The following PPP1R9A variants were observed in gnomAD, a reference collection of about 807,000 sequenced individuals.
The protein encoded by PPP1R9A is protein phosphatase 1 regulatory subunit 9A.
PPP1R9A carries 59 observed loss-of-function variants against 141.9 expected under a neutral mutation model. That is an observed-to-expected ratio of 0.42 (90% CI 0.34 to 0.52). PPP1R9A has a LOEUF of 0.52. Among genes scored for constraint, PPP1R9A ranks in the 20% least tolerant of loss-of-function variants. PPP1R9A has a pLI of 0.10. For synonymous variants in PPP1R9A, 500 were observed against 569.7 expected (o/e 0.88, Z 1.74); for missense variants, 1,444 against 1,611.9 (o/e 0.90, Z 1.78).
At chr7:94,998,327 A>G (rs753995724) in intron 2 of PPP1R9A, among the ~76,000 whole-genome samples, 8 of 152,234 alleles carry the variant, frequency 5.3e-5, no homozygotes, top group Admixed American at 2.6e-4. Flanking sequence ...AAAATTTGAA[A>G]ACCTGTGAAC....
intron 6 of PPP1R9A, among the ~76,000 whole-genome samples, chr7:95,201,205 T>C (rs574702492): frequency 6.6e-6 from 1 of 151,134 alleles, no homozygotes; most frequent in East Asian, 1.9e-4. Flanking sequence ...ACTCAAATTT[T>C]TTTTAATTAG....
intron 7 of PPP1R9A, among the ~76,000 whole-genome samples, chr7:95,207,730 A>G (rs921002856): frequency 6.6e-6 from 1 of 152,214 alleles, no homozygotes; most frequent in Non-Finnish European, 1.5e-5. Flanking sequence ...AATCTCAAAA[A>G]GTACCTATAG....
intron 2 of PPP1R9A, among the ~76,000 whole-genome samples, chr7:94,950,530 A>G (rs1281279334): frequency 6.6e-6 from 1 of 151,884 alleles, no homozygotes; most frequent in Non-Finnish European, 1.5e-5. Flanking sequence ...TTTTTCTTTC[A>G]GTTTGATTGG....
chr7:95,288,793 AG>A, intron 19 of PPP1R9A, 75 bp downstream of exon 19: 2 of 1,503,216 alleles, frequency 1.3e-6, no homozygotes, highest in Non-Finnish European at 1.8e-6. Context: ...TGTTTTCATT[AG>A]GTAAGAGCAT....
At chr7:95,289,922 A>G (rs557039568) in intron 19 of PPP1R9A, among the ~76,000 whole-genome samples, 169 bp from the exon 20 acceptor site, 32 of 152,350 alleles carry the variant, frequency 2.1e-4, no homozygotes, top group African/African-American at 7.0e-4. Flanking sequence ...AAGAAAAAAT[A>G]AAGGGTAGCC....
Position 95,017,072 on chromosome 7 carries a change from G to A in PPP1R9A, c.1396-94187G>A, listed in dbSNP as rs531965365. Among the ~76,000 whole-genome samples, 3 of 152,150 alleles carry A rather than the reference G, an allele frequency of 2.0e-5. No homozygotes were observed. The South Asian group carries it at 6.2e-4, about 32-fold the overall frequency. Reference sequence around the variant, plus strand: ...TGGAATTATATTCCCTCAAGCCAAGGAACTTCTAGGACAACCAGAAGCTAG... The same window carrying A: ...TGGAATTATATTCCCTCAAGCCAAGAAACTTCTAGGACAACCAGAAGCTAG... On this transcript the variant is annotated intron_variant, in intron 2 of 19. Coordinates refer to ENST00000433360, the MANE Select transcript of PPP1R9A (RefSeq NM_001166160.2).
At chr7:95,206,031 G>T (rs1790723014) in intron 7 of PPP1R9A, among the ~76,000 whole-genome samples, 1 of 152,102 alleles carries the variant, frequency 6.6e-6, no homozygotes, top group South Asian at 2.1e-4. Context: ...TAGCAACTTG[G>T]TGACTCACAG....
At chr7:95,109,258 A>G (rs188017248) in intron 2 of PPP1R9A, among the ~76,000 whole-genome samples, 4 of 152,208 alleles carry the variant, frequency 2.6e-5, no homozygotes, top group Admixed American at 2.0e-4. Context: ...TTGCCTTCAC[A>G]ACTTCTTTAC....
intron 2 of PPP1R9A, among the ~76,000 whole-genome samples, chr7:94,984,464 A>AT (rs1800541160): frequency 6.6e-6 from 1 of 151,800 alleles, no homozygotes; most frequent in African/African-American, 2.4e-5. Flanking sequence ...CTGGTCTCGG[A>AT]GTTTTTTTGG....
intron 5 of PPP1R9A, among the ~76,000 whole-genome samples, chr7:95,168,952 C>G (rs1831690904): frequency 6.6e-6 from 1 of 151,956 alleles, no homozygotes; most frequent in Admixed American, 6.6e-5. Flanking sequence ...TAAGTTAATA[C>G]AGTCATTAGG....
At chr7:94,973,259 C>T (rs1023148053) in intron 2 of PPP1R9A, among the ~76,000 whole-genome samples, 1 of 151,952 alleles carries the variant, frequency 6.6e-6, no homozygotes, top group Non-Finnish European at 1.5e-5. Flanking sequence ...TATTTTCTAC[C>T]TTAGGTTATA....
intron 2 of PPP1R9A, among the ~76,000 whole-genome samples, chr7:95,020,047 C>T (rs1161147642): frequency 8.0e-6 from 1 of 125,592 alleles, no homozygotes; most frequent in African/African-American, 3.0e-5. Context: ...TCATTATCAT[C>T]ATCATCATCA....
intron 2 of PPP1R9A, among the ~76,000 whole-genome samples, chr7:94,997,328 A>G (rs1337564992): frequency 6.6e-6 from 1 of 151,648 alleles, no homozygotes; most frequent in Admixed American, 6.6e-5. Context: ...CATATCTGAA[A>G]TTTTTTATTG....
At chr7:95,113,322 T>C (rs751402276) in intron 3 of PPP1R9A, among the ~76,000 whole-genome samples, 5 of 151,942 alleles carry the variant, frequency 3.3e-5, no homozygotes, top group Non-Finnish European at 7.4e-5. Context: ...AAAACGACAA[T>C]GGAGAAGGAC....
chr7:95,129,030 A>G (rs1242986076), intron 4 of PPP1R9A, among the ~76,000 whole-genome samples: 2 of 152,238 alleles, frequency 1.3e-5, no homozygotes, highest in African/African-American at 4.8e-5. Context: ...TTTTATATAC[A>G]GTGAAAGCTA....
At chr7:95,289,820 T>C (rs1405902845) in intron 19 of PPP1R9A, among the ~76,000 whole-genome samples, 1 of 152,204 alleles carries the variant, frequency 6.6e-6, no homozygotes, top group Admixed American at 6.5e-5. Flanking sequence ...AATTGTGCCC[T>C]TTTTCCATTC....
intron 8 of PPP1R9A, among the ~76,000 whole-genome samples, chr7:95,241,209 A>T (rs1039649109): frequency 6.6e-6 from 1 of 152,204 alleles, no homozygotes. Context: ...ATAGGTCTGC[A>T]GCTGAAAGTA....
At chr7:95,025,023 C>T (rs1475669782) in intron 2 of PPP1R9A, among the ~76,000 whole-genome samples, 1 of 152,000 alleles carries the variant, frequency 6.6e-6, no homozygotes. Context: ...TTTTATTTCT[C>T]CTTTGCGTAT....
At chr7:95,187,111 C>T (rs1031976498) in intron 5 of PPP1R9A, among the ~76,000 whole-genome samples, 1 of 152,062 alleles carries the variant, frequency 6.6e-6, no homozygotes, top group Non-Finnish European at 1.5e-5. Flanking sequence ...AAACACCTGA[C>T]AGAATTCATC....
Sources: gnomAD v4.1 joint callset for allele counts (sites outside exome capture counted in the v4.1 genomes callset) on GRCh38, gnomAD v4.1.1 for gene constraint, MANE v1.5 for transcripts, NCBI Gene and HGNC (gene_info 2026-07-23, HGNC 2026-07-21) for gene names.